The following NYAP2 variants were observed in gnomAD, a reference collection of about 807,000 sequenced individuals.
NYAP2 encodes neuronal tyrosine-phosphorylated phosphoinositide-3-kinase adaptor 2, also known as neuronal tyrosine-phosphorylated phosphoinositide-3-kinase adapter 2.
Under a neutral mutation model 50.4 loss-of-function variants are expected in NYAP2, and 23 were observed. That is an observed-to-expected ratio of 0.46 (90% CI 0.33 to 0.65). The LOEUF is 0.65. Among genes scored for constraint, NYAP2 ranks in the 30% least tolerant of loss-of-function variants. NYAP2 has a pLI of 0.02. For missense variants in NYAP2, 885 were observed against 861.0 expected, an observed-to-expected ratio of 1.03 and a Z score of -0.35; for synonymous variants, 394 against 365.2, an observed-to-expected ratio of 1.08 and a Z score of -0.90.
chr2:225,693,349 G>A, the NYAP2 span, among the ~76,000 whole-genome samples: 2 of 151,986 alleles, frequency 1.3e-5, no homozygotes, highest in East Asian at 3.9e-4. Flanking sequence ...TTAGAGTGGA[G>A]TTATGGGTTT....
intron 4 of NYAP2, among the ~76,000 whole-genome samples, chr2:225,515,880 T>G (rs1265650502): frequency 1.3e-5 from 2 of 151,960 alleles, no homozygotes; most frequent in African/African-American, 4.8e-5. Flanking sequence ...TCAGGAATAA[T>G]TCAAGAATAA....
intron 4 of NYAP2, among the ~76,000 whole-genome samples, chr2:225,541,669 T>C (rs1029558184): frequency 3.9e-5 from 6 of 152,144 alleles, no homozygotes; most frequent in Non-Finnish European, 8.8e-5. Context: ...TTTATGCCAG[T>C]GCTATGCTGT....
At chr2:225,687,379 A>G in the NYAP2 span, among the ~76,000 whole-genome samples, 1 of 152,250 alleles carries the variant, frequency 6.6e-6, no homozygotes, top group East Asian at 1.9e-4. Context: ...CCTTCTCTCC[A>G]AAGTCACAAG....
intron 6 of NYAP2, among the ~76,000 whole-genome samples, chr2:225,631,373 T>C (rs1693312229): frequency 6.6e-6 from 1 of 152,170 alleles, no homozygotes; most frequent in South Asian, 2.1e-4. Context: ...GAGCAGGAAA[T>C]TGTCTACTGA....
At chr2:225,529,303 TTGTTTTTTGTTTTA>T (rs1412858174) in intron 4 of NYAP2, among the ~76,000 whole-genome samples, 22 of 152,072 alleles carry the variant, frequency 1.4e-4, no homozygotes, top group African/African-American at 5.3e-4. Context: ...TATCTTTTGT[TTGTTTTTTGTTTTA>T]TGTTTTTTTG....
intron 6 of NYAP2, among the ~76,000 whole-genome samples, chr2:225,638,869 C>G (rs1259878532): frequency 6.6e-6 from 1 of 152,200 alleles, no homozygotes; most frequent in Non-Finnish European, 1.5e-5. Flanking sequence ...GGTGGAAGAA[C>G]AGGGAGAGGA....
chr2:225,470,801 A>G (rs1197621213), intron 3 of NYAP2, among the ~76,000 whole-genome samples: 1 of 141,754 alleles, frequency 7.1e-6, no homozygotes, highest in East Asian at 1.9e-4. Flanking sequence ...TGAAATATAT[A>G]TGTATGTATA....
chr2:225,398,547 G>A (rs1043835370), upstream of NYAP2, among the ~76,000 whole-genome samples: 14 of 151,880 alleles, frequency 9.2e-5, no homozygotes, highest in African/African-American at 3.4e-4. Context: ...ATCACAGTGT[G>A]GTGGCTGTTA....
At chr2:225,573,728 G>A (rs1269742766) in intron 4 of NYAP2, among the ~76,000 whole-genome samples, 2 of 152,120 alleles carry the variant, frequency 1.3e-5, no homozygotes, top group African/African-American at 2.4e-5. Context: ...TCCTCTGTGT[G>A]GCCTCTTCTA....
chr2:225,409,219 T>G (rs1211710203), intron 3 of NYAP2, 118 bp downstream of exon 3: 2 of 694,594 alleles, frequency 2.9e-6, no homozygotes, highest in Non-Finnish European at 4.7e-6. Context: ...TTAGACTTGG[T>G]GAGAGCATAT....
At chr2:225,629,876 C>T (rs1693278244) in intron 6 of NYAP2, among the ~76,000 whole-genome samples, 1 of 152,176 alleles carries the variant, frequency 6.6e-6, no homozygotes, top group South Asian at 2.1e-4. Flanking sequence ...AACACTGCTG[C>T]ATTGGGGATG....
At chr2:225,458,771 T>C (rs889365509) in intron 3 of NYAP2, among the ~76,000 whole-genome samples, 1 of 152,368 alleles carries the variant, frequency 6.6e-6, no homozygotes, top group South Asian at 2.1e-4. Context: ...TTTTGGTTTA[T>C]TGGAAATATA....
At chr2:225,535,077 G>A (rs892928438) in intron 4 of NYAP2, among the ~76,000 whole-genome samples, 1 of 152,214 alleles carries the variant, frequency 6.6e-6, no homozygotes, top group Non-Finnish European at 1.5e-5. Flanking sequence ...GAGATCAGCA[G>A]GCGGCTAATA....
intron 3 of NYAP2, among the ~76,000 whole-genome samples, chr2:225,429,400 A>G (rs554117637): frequency 6.6e-6 from 1 of 152,344 alleles, no homozygotes; most frequent in South Asian, 2.1e-4. Flanking sequence ...CAGCTTTCAC[A>G]TCGGATCCGT....
intron 4 of NYAP2, among the ~76,000 whole-genome samples, chr2:225,565,349 A>G (rs2106218308): frequency 1.3e-5 from 2 of 150,012 alleles, no homozygotes; most frequent in South Asian, 4.3e-4. Flanking sequence ...TTTAAAACAC[A>G]TGTTGCTTTT....
chr2:225,415,662 G>A (rs1280244202), intron 3 of NYAP2, among the ~76,000 whole-genome samples: 2 of 152,098 alleles, frequency 1.3e-5, no homozygotes, highest in Non-Finnish European at 2.9e-5. Flanking sequence ...TATTAGATTT[G>A]TTTTAATTGG....
At chr2:225,428,073 G>A (rs1027315122) in intron 3 of NYAP2, among the ~76,000 whole-genome samples, 1 of 152,018 alleles carries the variant, frequency 6.6e-6, no homozygotes, top group African/African-American at 2.4e-5. Context: ...ATGCAAAAGG[G>A]GTTGATTTTT....
chr2:225,422,355 G>A (rs889160674), intron 3 of NYAP2, among the ~76,000 whole-genome samples: 1 of 152,174 alleles, frequency 6.6e-6, no homozygotes, highest in South Asian at 2.1e-4. Flanking sequence ...TCCAATTCAG[G>A]TAGATAAATT....
In NYAP2 at chr2:225,490,320, C is replaced by A. The variant is rs1042595537; in HGVS notation, c.222-23051C>A. On this transcript the variant is annotated intron_variant, in intron 3 of 6. Coordinates refer to ENST00000636099, the Ensembl canonical transcript of NYAP2. The stretch of plus-strand genomic sequence containing the variant: ...AAGGTATTCCTTTGATTACTTACAA[C>A]ATAAAGACTCTTGTTTGACTCCTTT... 1.2e-4 allele frequency among the ~76,000 whole-genome samples: 18 copies of A among 152,132 alleles called. 1 individual carries two copies. The East Asian group carries it at 1.5e-3, about 13-fold the overall frequency.
Sources: allele counts gnomAD v4.1 joint callset (sites outside exome capture counted in the v4.1 genomes callset), GRCh38; gene constraint gnomAD v4.1.1; transcripts MANE v1.5; gene names NCBI Gene and HGNC (gene_info 2026-07-23, HGNC 2026-07-21).